The following GLB1 variants were observed in gnomAD, a reference collection of about 807,000 sequenced individuals.
The protein encoded by GLB1 is beta-galactosidase.
In GLB1, 56 loss-of-function variants were observed where a neutral mutation model predicts 74.0. That is an observed-to-expected ratio of 0.76 (90% confidence interval 0.61 to 0.94). The LOEUF is 0.94. Among genes scored for constraint, GLB1 ranks in the 40% least tolerant of loss-of-function variants. GLB1 has a pLI of 0.00. For synonymous variants in GLB1, 323 were observed against 323.6 expected (o/e 1.00, Z 0.02); for missense variants, 787 against 845.5 (o/e 0.93, Z 0.86).
chr3:33,069,744 C>G (rs1699824655), intron 2 of GLB1, among the ~76,000 whole-genome samples: 1 of 152,206 alleles, frequency 6.6e-6, no homozygotes, highest in South Asian at 2.1e-4. Context: ...GTAAACCTCC[C>G]TTCCTCAAAT....
intron 1 of GLB1, among the ~76,000 whole-genome samples, chr3:33,095,237 G>GAAAAAAAA (rs1700969782): frequency 7.4e-6 from 1 of 134,824 alleles, no homozygotes; most frequent in African/African-American, 2.8e-5. Flanking sequence ...AAAAAAAAAG[G>GAAAAAAAA]AATATTCTCT....
At chr3:32,978,755 T>C in the GLB1 span, among the ~76,000 whole-genome samples, 1 of 89,462 alleles carries the variant, frequency 1.1e-5, no homozygotes, top group East Asian at 6.4e-4. Context: ...TTTTTTTTCT[T>C]TCTTTCTTTC....
intron 5 of GLB1, among the ~76,000 whole-genome samples, chr3:33,064,769 T>C (rs1575467158): frequency 1.6e-5 from 1 of 63,248 alleles, no homozygotes; most frequent in Non-Finnish European, 2.8e-5. Context: ...GGAATGAGAC[T>C]CTCTCTCAAA....
intron 6 of GLB1, 95 bp from the exon 7 acceptor site, chr3:33,053,644 G>A (rs951337310): frequency 2.4e-5 from 36 of 1,517,174 alleles, no homozygotes; most frequent in Non-Finnish European, 3.0e-5. Flanking sequence ...CTGAAGCCCT[G>A]CTACGGTCAG....
chr3:33,085,164 C>T (rs1214164756), intron 1 of GLB1, among the ~76,000 whole-genome samples: 2 of 150,244 alleles, frequency 1.3e-5, no homozygotes, highest in Non-Finnish European at 2.9e-5. Flanking sequence ...GTCCCAACTA[C>T]TTGGGAGGCT....
intron 1 of GLB1, chr3:33,094,423 G>C (rs1053737252): frequency 1.7e-6 from 2 of 1,182,868 alleles, no homozygotes; most frequent in Admixed American, 3.6e-5. Context: ...TCAAATACCA[G>C]TCAGTTGCTA....
intron 1 of GLB1, chr3:33,092,046 C>G (rs1007262945): frequency 2.0e-6 from 2 of 985,196 alleles, no homozygotes; most frequent in Non-Finnish European, 2.4e-6. Flanking sequence ...AGCAGCCTGT[C>G]CCCAGTGAGC....
At chr3:32,998,360 T>A (rs2125444119) in intron 15 of GLB1, among the ~76,000 whole-genome samples, 1 of 152,030 alleles carries the variant, frequency 6.6e-6, no homozygotes, top group South Asian at 2.1e-4. Flanking sequence ...ATACAAAAAT[T>A]AGCCAGGTGT....
At chr3:33,076,251 G>A (rs564909054) in intron 1 of GLB1, among the ~76,000 whole-genome samples, 9 of 152,192 alleles carry the variant, frequency 5.9e-5, no homozygotes, top group Non-Finnish European at 1.0e-4. Context: ...AGAAAACTGC[G>A]TGTGAGGCCT....
chr3:33,016,642 G>A, intron 14 of GLB1, 67 bp downstream of exon 14: 1 of 1,605,014 alleles, frequency 6.2e-7, no homozygotes, highest in Non-Finnish European at 8.5e-7. Flanking sequence ...GTGAGCCACT[G>A]TACTGGGCTT....
At chr3:33,007,524 TTGTAACA>T (rs1177272265) in intron 15 of GLB1, among the ~76,000 whole-genome samples, 1 of 152,242 alleles carries the variant, frequency 6.6e-6, no homozygotes, top group African/African-American at 2.4e-5. Context: ...TTCTTCCATG[TTGTAACA>T]TGTATCAATA....
intron 14 of GLB1, among the ~76,000 whole-genome samples, 182 bp from the exon 15 acceptor site, chr3:33,014,492 T>C (rs1697162859): frequency 6.6e-6 from 1 of 152,182 alleles, no homozygotes; most frequent in Admixed American, 6.5e-5. Flanking sequence ...TACAAATCCT[T>C]GGGAAGAGAT....
chr3:33,064,063 C>T (rs1404338378), intron 5 of GLB1, among the ~76,000 whole-genome samples: 1 of 152,122 alleles, frequency 6.6e-6, no homozygotes, highest in African/African-American at 2.4e-5. Flanking sequence ...GGCCCACACT[C>T]CCCTAGGGAG....
intron 4 of GLB1, among the ~76,000 whole-genome samples, chr3:33,066,130 C>CTT (rs1381878402): frequency 6.6e-6 from 1 of 152,150 alleles, no homozygotes; most frequent in Non-Finnish European, 1.5e-5. Flanking sequence ...GTCTCCTCAG[C>CTT]TGAGCTCCTC....
At position 33,068,885 on chromosome 3, in the gene GLB1, C is replaced by T; in HGVS notation, c.331G>A (p.Ala111Thr). ...ATAACCAGCAGTCCCAGCTCATGAGCCAGCCGAAGAAAATATTCCACATCA... is the reference window on the plus strand; with the variant it reads ...ATAACCAGCAGTCCCAGCTCATGAGTCAGCCGAAGAAAATATTCCACATCA... The part of the protein sequence containing the change: ...DHDVEYFLRL[A>T]HELGLLVILR... The change falls in exon 3 of 16, where the codon GCT becomes ACT. Residue 111 changes from alanine (A) to threonine (T), a missense_variant. Transcript: ENST00000307363. The T allele has an allele frequency of 1.9e-6, 3 of 1,614,128 alleles. No homozygotes were observed. The highest frequency in any genetic ancestry group is 2.5e-6 in the Non-Finnish European group (3 of 1,180,024).
intron 1 of GLB1, among the ~76,000 whole-genome samples, chr3:33,077,694 T>TA (rs1190904279): frequency 6.6e-6 from 1 of 151,910 alleles, no homozygotes; most frequent in African/African-American, 2.4e-5. Flanking sequence ...TTTTTTTTTT[T>TA]TAACTAAACA....
chr3:33,025,634 G>A (rs938135089), intron 10 of GLB1, among the ~76,000 whole-genome samples: 4 of 150,574 alleles, frequency 2.7e-5, no homozygotes, highest in Non-Finnish European at 5.9e-5. Flanking sequence ...GTGGCGGTGG[G>A]AGCAGCTGCT....
At chr3:33,002,117 T>C (rs774360503) in intron 15 of GLB1, among the ~76,000 whole-genome samples, 55 of 152,260 alleles carry the variant, frequency 3.6e-4, no homozygotes, top group African/African-American at 7.5e-4. Flanking sequence ...TCAGTTAAAA[T>C]AGTTCCATGA....
At chr3:33,075,977 G>A (rs1235365519) in intron 1 of GLB1, among the ~76,000 whole-genome samples, 10 of 151,646 alleles carry the variant, frequency 6.6e-5, no homozygotes, top group African/African-American at 1.2e-4. Context: ...CCTGGGAGGC[G>A]GAGCTTGCAG....
Sources: allele counts gnomAD v4.1 joint callset (sites outside exome capture counted in the v4.1 genomes callset), GRCh38; gene constraint gnomAD v4.1.1; transcripts MANE v1.5; gene names NCBI Gene and HGNC (gene_info 2026-07-23, HGNC 2026-07-21).